The following LRRTM4 variants were observed in gnomAD, a reference collection of about 807,000 sequenced individuals.
LRRTM4 encodes the protein leucine rich repeat transmembrane neuronal 4, also known as leucine-rich repeat transmembrane neuronal protein 4.
A neutral mutation model predicts 47.6 loss-of-function variants in LRRTM4; 25 were observed. That is an observed-to-expected ratio of 0.53 (90% CI 0.38 to 0.73). The LOEUF is 0.73. Ranked by LOEUF, LRRTM4 falls within the 30% of genes least tolerant of loss-of-function variation. The probability of loss-of-function intolerance (pLI) is 0.00; values close to 1 mark genes in which losing one functional copy is unlikely to be tolerated. For synonymous variants in LRRTM4, 311 were observed against 269.5 expected (o/e 1.15, Z -1.51); for missense variants, 638 against 713.4 (o/e 0.89, Z 1.20).
At chr2:77,404,120 A>G (rs1236224904) in intron 3 of LRRTM4, among the ~76,000 whole-genome samples, 1 of 151,982 alleles carries the variant, frequency 6.6e-6, no homozygotes, top group Admixed American at 6.6e-5. Context: ...ACTGTAGTTC[A>G]TTCTTTCATA....
intron 3 of LRRTM4, among the ~76,000 whole-genome samples, chr2:77,297,123 T>A (rs1179245926): frequency 2.0e-5 from 3 of 152,174 alleles, no homozygotes; most frequent in Non-Finnish European, 4.4e-5. Flanking sequence ...GTTGTTGTTG[T>A]TGATGTTGTG....
At chr2:77,024,123 T>G (rs769073371) in intron 3 of LRRTM4, among the ~76,000 whole-genome samples, 1 of 152,130 alleles carries the variant, frequency 6.6e-6, no homozygotes, top group Non-Finnish European at 1.5e-5. Flanking sequence ...ACTTACTCAT[T>G]ACCACAAGAA....
At chr2:77,415,315 T>A (rs1327259808) in intron 3 of LRRTM4, among the ~76,000 whole-genome samples, 1 of 152,176 alleles carries the variant, frequency 6.6e-6, no homozygotes, top group Non-Finnish European at 1.5e-5. Flanking sequence ...AATTATTCAT[T>A]TTTACTGTAT....
chr2:77,137,988 A>T (rs1467012280), intron 3 of LRRTM4, among the ~76,000 whole-genome samples: 6 of 152,120 alleles, frequency 3.9e-5, no homozygotes, highest in Admixed American at 3.9e-4. Flanking sequence ...GTCCTTAGAG[A>T]ACTACCAACA....
chr2:77,048,310 G>A (rs188671992), intron 3 of LRRTM4, among the ~76,000 whole-genome samples: 62 of 152,172 alleles, frequency 4.1e-4, no homozygotes, highest in African/African-American at 1.4e-3. Flanking sequence ...TGCTAAATGA[G>A]TCAAGGGAAG....
At chr2:76,913,126 T>C (rs1558734589) in intron 3 of LRRTM4, among the ~76,000 whole-genome samples, 1 of 152,212 alleles carries the variant, frequency 6.6e-6, no homozygotes, top group Non-Finnish European at 1.5e-5. Context: ...GCTATTCATA[T>C]TGAATATATC....
At chr2:76,895,573 G>A (rs577245790) in intron 3 of LRRTM4, among the ~76,000 whole-genome samples, 4 of 152,030 alleles carry the variant, frequency 2.6e-5, no homozygotes, top group African/African-American at 7.2e-5. Flanking sequence ...CAGACTGCTA[G>A]AGATTTAAAT....
chr2:77,041,093 C>T (rs899883039), intron 3 of LRRTM4, among the ~76,000 whole-genome samples: 4 of 151,426 alleles, frequency 2.6e-5, no homozygotes, highest in Admixed American at 6.6e-5. Context: ...TTATACTTTC[C>T]AGCTTCTGGT....
At chr2:77,101,003 AT>A (rs1343960851) in intron 3 of LRRTM4, among the ~76,000 whole-genome samples, 1 of 151,772 alleles carries the variant, frequency 6.6e-6, no homozygotes, top group African/African-American at 2.4e-5. Context: ...GCCCAGCTAA[AT>A]TTTGTATTTT....
chr2:76,877,370 T>G (rs2104086281), intron 3 of LRRTM4, among the ~76,000 whole-genome samples: 1 of 145,084 alleles, frequency 6.9e-6, no homozygotes, highest in African/African-American at 2.6e-5. Context: ...GTAGCAAAAT[T>G]TCTGAGATTT....
intron 3 of LRRTM4, among the ~76,000 whole-genome samples, chr2:76,896,949 A>C (rs1325869950): frequency 2.0e-5 from 3 of 151,514 alleles, no homozygotes; most frequent in South Asian, 2.1e-4. Context: ...TGAAACAGGG[A>C]AATTAGAAGA....
chr2:77,421,047 A>G (rs1428216263), intron 3 of LRRTM4, among the ~76,000 whole-genome samples: 1 of 151,614 alleles, frequency 6.6e-6, no homozygotes, highest in Non-Finnish European at 1.5e-5. Context: ...TTGGTATAGC[A>G]GGAAACAAGG....
At chr2:76,842,251 T>G (rs1671705411) in intron 3 of LRRTM4, among the ~76,000 whole-genome samples, 1 of 152,216 alleles carries the variant, frequency 6.6e-6, no homozygotes, top group African/African-American at 2.4e-5. Flanking sequence ...CTTTTCAGGC[T>G]TGGATTAGAA....
chr2:77,068,293 T>C (rs1179559579), intron 3 of LRRTM4, among the ~76,000 whole-genome samples: 2 of 152,202 alleles, frequency 1.3e-5, no homozygotes, highest in Non-Finnish European at 2.9e-5. Context: ...CTTCCTGTTT[T>C]TTTTTAAATT....
intron 3 of LRRTM4, among the ~76,000 whole-genome samples, chr2:77,055,058 C>T (rs1024947030): frequency 6.6e-6 from 1 of 152,132 alleles, no homozygotes; most frequent in African/African-American, 2.4e-5. Context: ...TGATAGCTGG[C>T]TCCCAAGGAG....
chr2:77,301,108 T>C (rs1226134281), intron 3 of LRRTM4, among the ~76,000 whole-genome samples: 1 of 152,014 alleles, frequency 6.6e-6, no homozygotes, highest in Non-Finnish European at 1.5e-5. Context: ...TATAAACCTA[T>C]CATAGAAAAA....
intron 3 of LRRTM4, among the ~76,000 whole-genome samples, chr2:76,808,202 T>G (rs943667729): frequency 1.1e-4 from 17 of 151,770 alleles, no homozygotes; most frequent in African/African-American, 3.6e-4. Context: ...GTATTTTTAG[T>G]AGAGACAGGA....
At chr2:77,421,662 A>T (rs572732518) in intron 3 of LRRTM4, among the ~76,000 whole-genome samples, 1 of 151,826 alleles carries the variant, frequency 6.6e-6, no homozygotes, top group Non-Finnish European at 1.5e-5. Flanking sequence ...AGCCGAGATC[A>T]CACCACTGCA....
chr2:77,329,025 C>T (rs144189934), intron 3 of LRRTM4, among the ~76,000 whole-genome samples: 277 of 152,244 alleles, frequency 1.8e-3, no homozygotes, highest in Admixed American at 3.9e-3. Flanking sequence ...GGATTTCATG[C>T]GTCTTGTCCG....
Sources: allele counts gnomAD v4.1 joint callset (sites outside exome capture counted in the v4.1 genomes callset), GRCh38; gene constraint gnomAD v4.1.1; transcripts MANE v1.5; gene names NCBI Gene and HGNC (gene_info 2026-07-23, HGNC 2026-07-21).